Variants in BNC2 observed in about 807,000 individuals in gnomAD.
BNC2 encodes basonuclin zinc finger protein 2.
In BNC2, 20 loss-of-function variants were observed where a neutral mutation model predicts 76.3. That is an observed-to-expected ratio of 0.26 (90% CI 0.18 to 0.38). The LOEUF is 0.38. Among genes scored for constraint, BNC2 ranks in the 10% least tolerant of loss-of-function variants. The pLI is 1.00. For missense variants in BNC2, 1,382 were observed against 1,399.8 expected (o/e 0.99, Z 0.20); for synonymous variants, 582 against 514.8 (o/e 1.13, Z -1.77).
chr9:16,628,521 G>A lies in BNC2; in HGVS notation c.331-45436C>T, dbSNP rs548586170. 4.6e-5 allele frequency among the ~76,000 whole-genome samples: 7 copies of A among 152,258 alleles called. No individual in the cohort carries two copies. The East Asian group carries it at 9.6e-4, about 21-fold the overall frequency. ...GTTTGCCTTAGATGTAAAAGTGTGC[G>A]TATTTATGTATCTAAATAAGTGAGG... is the stretch of plus-strand genomic sequence containing the variant. On this transcript the variant is annotated intron_variant, in intron 3 of 6. Transcript: ENST00000380672.
At chr9:16,506,229 G>A (rs941378439) in intron 5 of BNC2, among the ~76,000 whole-genome samples, 8 of 152,106 alleles carry the variant, frequency 5.3e-5, no homozygotes, top group Non-Finnish European at 7.4e-5. Flanking sequence ...CAAGTTTTTA[G>A]AAAAGTCACA....
chr9:16,557,847 T>A (rs1818884403), intron 4 of BNC2, among the ~76,000 whole-genome samples: 1 of 151,946 alleles, frequency 6.6e-6, no homozygotes, highest in Non-Finnish European at 1.5e-5. Context: ...CTTTTCTGTT[T>A]TTTTTTTGTT....
chr9:16,579,278 T>TA (rs1491457451), intron 4 of BNC2, among the ~76,000 whole-genome samples: 1 of 117,644 alleles, frequency 8.5e-6, no homozygotes, highest in African/African-American at 4.8e-5. Flanking sequence ...CACTCTTTAA[T>TA]TTATTATTTT....
chr9:16,522,325 C>A (rs1232602697), intron 5 of BNC2, among the ~76,000 whole-genome samples: 1 of 152,198 alleles, frequency 6.6e-6, no homozygotes, highest in African/African-American at 2.4e-5. Flanking sequence ...TTGGCTGCCA[C>A]GGCCTCTTCC....
chr9:16,715,065 G>C lies in BNC2; in HGVS notation c.330+12732C>G, dbSNP rs188536332. Among the ~76,000 whole-genome samples, 10 of 152,220 alleles carry C rather than the reference G, an allele frequency of 6.6e-5. No homozygotes were observed. The East Asian group carries it at 1.9e-3, about 29-fold the overall frequency. On this transcript the variant is annotated intron_variant, in intron 3 of 6. Transcript: ENST00000380672. ...ATAATCAATTGCTTGGTAAATTATA[G>C]CAATCCCACAAAGATTCAGGGCCAA...
chr9:16,798,147 C>G (rs1404229376), intron 1 of BNC2, among the ~76,000 whole-genome samples: 2 of 152,040 alleles, frequency 1.3e-5, no homozygotes, highest in Non-Finnish European at 2.9e-5. Context: ...AAATTTCTGC[C>G]AAGTAATTAG....
intron 2 of BNC2, among the ~76,000 whole-genome samples, chr9:16,731,847 C>A (rs1292864192): frequency 6.6e-6 from 1 of 151,972 alleles, no homozygotes; most frequent in East Asian, 1.9e-4. Context: ...CTATAGGTAC[C>A]ATGTTTTGGA....
At chr9:16,488,998 T>C (rs750854695) in intron 5 of BNC2, among the ~76,000 whole-genome samples, 9 of 152,132 alleles carry the variant, frequency 5.9e-5, no homozygotes, top group Non-Finnish European at 1.2e-4. Context: ...ACTAAGACAA[T>C]AGAATTAAAA....
intron 1 of BNC2, among the ~76,000 whole-genome samples, chr9:16,752,423 ATG>A (rs1395435724): frequency 5.3e-5 from 2 of 37,968 alleles, no homozygotes; most frequent in East Asian, 1.0e-3. Context: ...AATGAAGTCA[ATG>A]TGTTTGGGCG....
intron 1 of BNC2, among the ~76,000 whole-genome samples, chr9:16,855,607 G>A (rs1209868702): frequency 3.3e-5 from 5 of 152,050 alleles, no homozygotes; most frequent in African/African-American, 1.2e-4. Flanking sequence ...GCGCAATCTC[G>A]GCTCACTGCA....
At chr9:16,693,315 C>T (rs1196890186) in intron 3 of BNC2, among the ~76,000 whole-genome samples, 1 of 152,058 alleles carries the variant, frequency 6.6e-6, no homozygotes, top group Non-Finnish European at 1.5e-5. Context: ...AGAGAACGTG[C>T]ATGAATAAAA....
chr9:16,624,063 C>A (rs1168758695), intron 3 of BNC2, among the ~76,000 whole-genome samples: 1 of 152,182 alleles, frequency 6.6e-6, no homozygotes, highest in Non-Finnish European at 1.5e-5. Flanking sequence ...AGTGCTACTT[C>A]AAAACTCTAA....
rs1457660137 is a variant in BNC2 at position 16,436,346 on chromosome 9, C to G, written c.1848G>C (p.Val616=). ...PPPSEPVVPA[V]MMATHEPSAD... ...CACTGGGCTCATGGGTGGCCATCATCACTGCTGGCACTACTGGCTCAGAGG... is the reference window on the plus strand; with the variant it reads ...CACTGGGCTCATGGGTGGCCATCATGACTGCTGGCACTACTGGCTCAGAGG... Residue 616 remains valine, a synonymous_variant, in exon 6 of 7, where the codon GTG becomes GTC. Coordinates refer to ENST00000380672, the MANE Select transcript of BNC2 (RefSeq NM_017637.6). 1.2e-5 allele frequency: 20 copies of G among 1,614,066 alleles called. No homozygotes were observed. Among genetic ancestry groups the G allele is most frequent in the Non-Finnish European group, 1.5e-5 (18 of 1,180,052 alleles).
intron 3 of BNC2, among the ~76,000 whole-genome samples, chr9:16,708,375 G>A (rs778233913): frequency 7.9e-5 from 12 of 152,212 alleles, no homozygotes; most frequent in Admixed American, 2.0e-4. Flanking sequence ...GGACATGCAT[G>A]TGCAAACAGG....
At chr9:16,513,660 C>T (rs570760752) in intron 5 of BNC2, among the ~76,000 whole-genome samples, 1 of 152,212 alleles carries the variant, frequency 6.6e-6, no homozygotes, top group Admixed American at 6.5e-5. Flanking sequence ...CAGAGGGGTA[C>T]AGGACCAGGA....
intron 1 of BNC2, among the ~76,000 whole-genome samples, chr9:16,795,419 T>C (rs571611572): frequency 5.9e-5 from 9 of 151,678 alleles, no homozygotes; most frequent in East Asian, 2.0e-4. Context: ...CCAGAAGTCA[T>C]TGCAATACCG....
Position 16,671,740 on chromosome 9 carries a change from T to A in BNC2, c.330+56057A>T, listed in dbSNP as rs188318546. ...AGTCACCTCTTTAACCCAGAAGGCA[T>A]CTTGTTTCACCATATGCCTGAACTC... On this transcript the variant is annotated intron_variant, in intron 3 of 6. Coordinates refer to ENST00000380672, the MANE Select transcript of BNC2 (RefSeq NM_017637.6). 1.4e-4 allele frequency among the ~76,000 whole-genome samples: 22 copies of A among 152,268 alleles called. No individual in the cohort carries two copies. The East Asian group carries it at 3.7e-3, about 25-fold the overall frequency.
In BNC2 at chr9:16,698,133, T is replaced by C. The variant is rs1823393232; in HGVS notation, c.330+29664A>G. On this transcript the variant is annotated intron_variant, in intron 3 of 6. Coordinates refer to ENST00000380672, the MANE Select transcript of BNC2 (RefSeq NM_017637.6). ...GGGCTTGGTCCTACAAAAACTTCAA[T>C]AATTGCTACAGAAACCATACATCTA... 6.6e-5 allele frequency among the ~76,000 whole-genome samples: 10 copies of C among 152,288 alleles called. No individual in the cohort carries two copies. In the South Asian group the frequency reaches 1.7e-3, roughly 25 times the overall value.
At chr9:16,870,116 G>A (rs376198584) in intron 1 of BNC2, among the ~76,000 whole-genome samples, 3 of 152,132 alleles carry the variant, frequency 2.0e-5, no homozygotes, top group Non-Finnish European at 2.9e-5. Flanking sequence ...AAGGGGAGAG[G>A]AAGAGTCAAC....
Sources: allele counts gnomAD v4.1 joint callset (sites outside exome capture counted in the v4.1 genomes callset), GRCh38; gene constraint gnomAD v4.1.1; transcripts MANE v1.5; gene names NCBI Gene and HGNC (gene_info 2026-07-23, HGNC 2026-07-21).